Variants in MGAT4C observed in about 807,000 individuals in gnomAD.
MGAT4C encodes alpha-1,3-mannosyl-glycoprotein 4-beta-N-acetylglucosaminyltransferase C.
MGAT4C carries 19 observed loss-of-function variants against 40.1 expected under a neutral mutation model. The observed-to-expected ratio is 0.47, with a 90% confidence interval of 0.33 to 0.70. The LOEUF is 0.70. MGAT4C is among the 30% of genes least tolerant of loss of function. MGAT4C has a pLI of 0.02. For missense variants in MGAT4C, 491 were observed against 563.2 expected, an observed-to-expected ratio of 0.87 and a Z score of 1.30; for synonymous variants, 181 against 187.1, an observed-to-expected ratio of 0.97 and a Z score of 0.27.
chr12:86,698,848 C>T (rs1950305841), intron 2 of MGAT4C, among the ~76,000 whole-genome samples: 1 of 152,012 alleles, frequency 6.6e-6, no homozygotes, highest in African/African-American at 2.4e-5. Flanking sequence ...GAAGAAATTG[C>T]CTAGTGTTAG....
At chr12:86,828,819 G>GA (rs1339802110) in intron 1 of MGAT4C, among the ~76,000 whole-genome samples, 1 of 151,352 alleles carries the variant, frequency 6.6e-6, no homozygotes, top group African/African-American at 2.4e-5. Context: ...AAGATAGAGA[G>GA]AAAAAAAGGA....
intron 2 of MGAT4C, among the ~76,000 whole-genome samples, chr12:86,600,740 C>A (rs1961738556): frequency 6.6e-6 from 1 of 152,194 alleles, no homozygotes; most frequent in African/African-American, 2.4e-5. Context: ...ACAGGTGATC[C>A]CAGGGGAGCC....
chr12:86,431,190 A>G (rs1458514395), intron 3 of MGAT4C, among the ~76,000 whole-genome samples: 1 of 152,118 alleles, frequency 6.6e-6, no homozygotes, highest in Non-Finnish European at 1.5e-5. Flanking sequence ...CAGGTTGGCA[A>G]TGAGGTTGAC....
At position 85,959,023 on chromosome 12, in the gene MGAT4C, TATACAATACAATACAATACAATACA is replaced by T. The variant is rs71309508; in HGVS notation, c.*20241_*20265del. 3.6e-5 allele frequency: 5 copies of T among 137,706 alleles called. No individual in the cohort carries two copies. Among genetic ancestry groups the T allele is most frequent in the South Asian group, 4.8e-4 (2 of 4,150 alleles). The allele number at this position is 137,706 out of a possible 1,614,324, so 8.5% of individuals were successfully genotyped here. A position where few individuals can be genotyped will look rare whatever the true frequency, so the allele number is the denominator to read the frequency against. ...ATGTTATTAAATCTCTGGTAACCACTATACAATACAATACAATACAATACAATACAATACAATACAATACAATACA... is the reference window on the plus strand; with the variant it reads ...ATGTTATTAAATCTCTGGTAACCACTATACAATACAATACAATACAATACA... On this transcript the variant is annotated 3_prime_UTR_variant, in exon 5 of 5. Transcript: ENST00000611864.
At chr12:86,808,810 T>A (rs908997749) in intron 1 of MGAT4C, among the ~76,000 whole-genome samples, 1 of 151,940 alleles carries the variant, frequency 6.6e-6, no homozygotes, top group African/African-American at 2.4e-5. Context: ...TAAAAATTCC[T>A]CTTTTCAAAT....
At chr12:86,193,139 A>ACT (rs1352303966) in intron 1 of MGAT4C, among the ~76,000 whole-genome samples, 1 of 151,944 alleles carries the variant, frequency 6.6e-6, no homozygotes, top group East Asian at 1.9e-4. Context: ...GATATATTTG[A>ACT]CTTTAAATTT....
intron 2 of MGAT4C, among the ~76,000 whole-genome samples, chr12:86,511,750 AGATG>A (rs1358546955): frequency 6.6e-6 from 1 of 152,186 alleles, no homozygotes; most frequent in East Asian, 1.9e-4. Flanking sequence ...AGTCAATGCA[AGATG>A]GATTAGATGT....
rs1435707477 is a variant in MGAT4C at position 86,566,541 on chromosome 12, T to C, written c.-228-131276A>G. Among the ~76,000 whole-genome samples, 2 of 91,962 alleles carry C rather than the reference T, an allele frequency of 2.2e-5. 1 individual carries two copies. Among genetic ancestry groups the C allele is most frequent in the Non-Finnish European group, 4.0e-5 (2 of 50,230 alleles). 60.3% of individuals were successfully genotyped at this position (91,962 alleles called of 152,430 possible). A position where few individuals can be genotyped will look rare whatever the true frequency, so the allele number is the denominator to read the frequency against. The stretch of plus-strand genomic sequence containing the variant: ...TAGTAAACTCATATACATATATATA[T>C]ATATATATATATATATATATATATA... On this transcript the variant is annotated intron_variant, in intron 2 of 7. Transcript: ENST00000548651.
At chr12:86,578,235 T>G (rs1309010029) in intron 2 of MGAT4C, among the ~76,000 whole-genome samples, 1 of 151,746 alleles carries the variant, frequency 6.6e-6, no homozygotes, top group African/African-American at 2.4e-5. Context: ...CTGGACCTTG[T>G]GCCTCCCTCT....
intron 2 of MGAT4C, among the ~76,000 whole-genome samples, chr12:86,577,976 C>G (rs1377462412): frequency 6.6e-6 from 1 of 151,714 alleles, no homozygotes; most frequent in Non-Finnish European, 1.5e-5. Context: ...GCTGTCTAAA[C>G]ATGTCCGTGT....
rs1477486646 is a variant in MGAT4C, at chr12:85,965,683, AC to A, written c.*13605del. Reference sequence around the variant, plus strand: ...GCAGAGAAGAAGTAATTATGAACAAACTGTTCATGAAGTGATCAATTGAATT... The same window carrying A: ...GCAGAGAAGAAGTAATTATGAACAAATGTTCATGAAGTGATCAATTGAATT... On this transcript the variant is annotated 3_prime_UTR_variant, in exon 5 of 5. Transcript: ENST00000611864. The A allele has an allele frequency of 6.6e-6, 1 of 151,872 alleles. No individual in the cohort carries two copies. Among genetic ancestry groups the A allele is most frequent in the African/African-American group, 2.4e-5 (1 of 41,356 alleles). The allele number at this position is 151,872 out of a possible 1,614,324, so 9.4% of individuals were successfully genotyped here.
At chr12:86,301,978 A>T (rs949243471) in intron 4 of MGAT4C, among the ~76,000 whole-genome samples, 2 of 141,364 alleles carry the variant, frequency 1.4e-5, no homozygotes, top group African/African-American at 6.2e-5. Flanking sequence ...CCTAAAGAGA[A>T]ATTTATGTAT....
chr12:86,144,640 C>G (rs1293555356), intron 1 of MGAT4C, among the ~76,000 whole-genome samples: 1 of 152,116 alleles, frequency 6.6e-6, no homozygotes, highest in Non-Finnish European at 1.5e-5. Flanking sequence ...TTATACATCA[C>G]AACTGTAATG....
chr12:86,178,453 G>A (rs763660606), intron 1 of MGAT4C, among the ~76,000 whole-genome samples: 3 of 152,148 alleles, frequency 2.0e-5, no homozygotes, highest in Non-Finnish European at 4.4e-5. Context: ...GCAGAATGTT[G>A]ACTTTTTTCT....
Position 86,087,633 on chromosome 12 carries a change from G to A in MGAT4C, c.-56-37910C>T, listed in dbSNP as rs149597124. ...AGGCTGAGACTATGGGGAACACAACGGAGTTCACAGTATGCACAAAAATAA... is the reference window on the plus strand; with the variant it reads ...AGGCTGAGACTATGGGGAACACAACAGAGTTCACAGTATGCACAAAAATAA... On this transcript the variant is annotated intron_variant, in intron 1 of 4. Coordinates refer to ENST00000611864, the MANE Select transcript of MGAT4C (RefSeq NM_001351288.2). Among the ~76,000 whole-genome samples, 827 of 151,894 alleles carry A rather than the reference G, an allele frequency of 5.4e-3. 8 individuals carry two copies. The highest frequency in any genetic ancestry group is 6.7e-3 in the Non-Finnish European group (457 of 67,916).
chr12:86,464,965 A>C (rs1957658521), intron 2 of MGAT4C, among the ~76,000 whole-genome samples: 1 of 152,110 alleles, frequency 6.6e-6, no homozygotes, highest in Non-Finnish European at 1.5e-5. Flanking sequence ...TTCTAGAAAT[A>C]CTGAACATTA....
chr12:86,450,227 A>G (rs536624474), intron 2 of MGAT4C, among the ~76,000 whole-genome samples: 1 of 152,138 alleles, frequency 6.6e-6, no homozygotes, highest in African/African-American at 2.4e-5. Context: ...GTTTTTTCCC[A>G]TACTCATTGG....
chr12:86,708,085 C>G (rs1332914378), intron 2 of MGAT4C, among the ~76,000 whole-genome samples: 1 of 152,156 alleles, frequency 6.6e-6, no homozygotes, highest in Non-Finnish European at 1.5e-5. Flanking sequence ...GAGGTCTTCA[C>G]AGAAGCCGCT....
chr12:86,060,034 G>A (rs1592812523), intron 1 of MGAT4C, among the ~76,000 whole-genome samples: 2 of 152,078 alleles, frequency 1.3e-5, no homozygotes, highest in South Asian at 4.1e-4. Context: ...AGGGAAACAC[G>A]CAAACATGGC....
Sources: gnomAD v4.1 joint callset for allele counts (sites outside exome capture counted in the v4.1 genomes callset) on GRCh38, gnomAD v4.1.1 for gene constraint, MANE v1.5 for transcripts, NCBI Gene and HGNC (gene_info 2026-07-23, HGNC 2026-07-21) for gene names.